UVRAG: variants seen among roughly 807,000 people sequenced by gnomAD.
UVRAG encodes UV radiation resistance-associated gene protein.
UVRAG carries 19 observed loss-of-function variants against 78.0 expected under a neutral mutation model. The observed-to-expected ratio is 0.24, with a 90% CI of 0.17 to 0.36. The LOEUF (loss-of-function observed/expected upper bound fraction) is 0.36, where lower values mean the gene tolerates loss of function less well. Ranked by LOEUF, UVRAG falls within the 10% of genes least tolerant of loss-of-function variation. The probability of loss-of-function intolerance (pLI) is 1.00; values close to 1 mark genes in which losing one functional copy is unlikely to be tolerated. For missense variants in UVRAG, 740 were observed against 853.8 expected (o/e 0.87, Z 1.66); for synonymous variants, 323 against 324.6 (o/e 1.00, Z 0.05).
intron 6 of UVRAG, among the ~76,000 whole-genome samples, chr11:75,947,234 T>G (rs1948603266): frequency 6.6e-6 from 1 of 152,150 alleles, no homozygotes; most frequent in Admixed American, 6.5e-5. Context: ...AATCTCCCTT[T>G]TGGTTAACTC....
chr11:75,964,493 C>G (rs1056677638), intron 7 of UVRAG, among the ~76,000 whole-genome samples: 4 of 152,150 alleles, frequency 2.6e-5, no homozygotes, highest in Non-Finnish European at 4.4e-5. Flanking sequence ...GGAGGTCAGT[C>G]TTTTTACATT....
At chr11:76,001,130 T>C (rs142899202) in intron 8 of UVRAG, among the ~76,000 whole-genome samples, 72 of 152,282 alleles carry the variant, frequency 4.7e-4, no homozygotes, top group African/African-American at 1.6e-3. Context: ...ATTAAAATCA[T>C]ACAAAGTATG....
intron 12 of UVRAG, among the ~76,000 whole-genome samples, chr11:76,057,205 C>T (rs994467983): frequency 1.9e-5 from 2 of 107,490 alleles, no homozygotes; most frequent in Non-Finnish European, 2.0e-5. Context: ...CTGGGTGCCA[C>T]AATCAGATTT....
At chr11:75,977,972 C>T (rs1410645214) in intron 7 of UVRAG, among the ~76,000 whole-genome samples, 1 of 152,184 alleles carries the variant, frequency 6.6e-6, no homozygotes, top group Non-Finnish European at 1.5e-5. Context: ...CATCGATGAT[C>T]TTTACAATTT....
intron 8 of UVRAG, among the ~76,000 whole-genome samples, chr11:75,988,990 C>T (rs568403426): frequency 9.2e-5 from 14 of 152,064 alleles, no homozygotes; most frequent in South Asian, 2.1e-4. Context: ...ATCAAATATA[C>T]GCTTTATATG....
chr11:76,062,861 T>A (rs1053587103), intron 12 of UVRAG, among the ~76,000 whole-genome samples: 1 of 152,224 alleles, frequency 6.6e-6, no homozygotes, highest in Non-Finnish European at 1.5e-5. Context: ...TAAGTAAGGA[T>A]ATGAGTGTTC....
At chr11:75,910,007 G>T (rs1947700217) in intron 5 of UVRAG, among the ~76,000 whole-genome samples, 1 of 152,138 alleles carries the variant, frequency 6.6e-6, no homozygotes, top group African/African-American at 2.4e-5. Context: ...TCATCAGTAA[G>T]ACCATTTGGA....
At chr11:76,021,137 G>A (rs376085287) in intron 12 of UVRAG, among the ~76,000 whole-genome samples, 39 of 152,236 alleles carry the variant, frequency 2.6e-4, no homozygotes, top group African/African-American at 8.2e-4. Context: ...CTTTCCTACC[G>A]TCTTCAATGC....
chr11:75,847,498 C>T (rs1946061421), intron 1 of UVRAG, among the ~76,000 whole-genome samples: 1 of 151,724 alleles, frequency 6.6e-6, no homozygotes, highest in Admixed American at 6.6e-5. Flanking sequence ...TCTTGAACTC[C>T]TGGGCTCAAG....
chr11:75,865,457 A>G (rs759308501), intron 3 of UVRAG, among the ~76,000 whole-genome samples: 2 of 152,216 alleles, frequency 1.3e-5, no homozygotes, highest in African/African-American at 4.8e-5. Context: ...TGTTCAGTAC[A>G]GTTGCCACTG....
chr11:75,968,577 C>CT (rs1949067946), intron 7 of UVRAG, among the ~76,000 whole-genome samples: 1 of 152,146 alleles, frequency 6.6e-6, no homozygotes, highest in Admixed American at 6.5e-5. Context: ...ATACATATGC[C>CT]TTCCCATATT....
chr11:75,911,559 G>T, intron 5 of UVRAG: 1 of 163,688 alleles, frequency 6.1e-6, no homozygotes, highest in South Asian at 1.8e-4. Context: ...CTCTGGGGAT[G>T]ACTGGTCAGC....
At chr11:75,900,908 C>T (rs1287201327) in intron 5 of UVRAG, among the ~76,000 whole-genome samples, 2 of 152,190 alleles carry the variant, frequency 1.3e-5, no homozygotes, top group Non-Finnish European at 2.9e-5. Flanking sequence ...AAAACATCCT[C>T]TGTTGTCTCA....
intron 5 of UVRAG, among the ~76,000 whole-genome samples, chr11:75,902,069 C>T (rs568498058): frequency 6.6e-6 from 1 of 152,332 alleles, no homozygotes; most frequent in African/African-American, 2.4e-5. Flanking sequence ...CTGTTGATCC[C>T]TAGTGCTTAG....
chr11:76,131,822 TG>T (rs1952518001), intron 14 of UVRAG, among the ~76,000 whole-genome samples: 1 of 152,186 alleles, frequency 6.6e-6, no homozygotes, highest in Non-Finnish European at 1.5e-5. Context: ...AGCTACCTCC[TG>T]GGAGATAAGA....
intron 1 of UVRAG, among the ~76,000 whole-genome samples, chr11:75,815,801 C>T (rs11825050): frequency 3.9e-5 from 6 of 152,128 alleles, no homozygotes; most frequent in Non-Finnish European, 7.4e-5. Flanking sequence ...GGCCCCGGCC[C>T]GAGGCCGCCT....
intron 8 of UVRAG, among the ~76,000 whole-genome samples, chr11:75,985,881 C>T (rs1949492699): frequency 6.6e-6 from 1 of 152,048 alleles, no homozygotes; most frequent in Non-Finnish European, 1.5e-5. Flanking sequence ...TTCTATTGAT[C>T]TATTTTTCTG....
intron 2 of UVRAG, among the ~76,000 whole-genome samples, chr11:75,853,172 C>G (rs1326750748): frequency 6.6e-6 from 1 of 152,262 alleles, no homozygotes; most frequent in African/African-American, 2.4e-5. Flanking sequence ...CCCAGCCTCC[C>G]AAAGTGCTGG....
chr11:75,958,342 C>A (rs990785032), intron 6 of UVRAG, among the ~76,000 whole-genome samples: 1 of 152,190 alleles, frequency 6.6e-6, no homozygotes, highest in African/African-American at 2.4e-5. Context: ...TCCCCTCAAA[C>A]CCTGCCACTG....
Sources: gnomAD v4.1 joint callset for allele counts (sites outside exome capture counted in the v4.1 genomes callset) on GRCh38, gnomAD v4.1.1 for gene constraint, MANE v1.5 for transcripts, NCBI Gene and HGNC (gene_info 2026-07-23, HGNC 2026-07-21) for gene names.